Variants in TAFA5 observed in about 807,000 individuals in gnomAD.
The protein encoded by TAFA5 is chemokine-like protein TAFA-5.
In TAFA5, 6 loss-of-function variants were observed where a neutral mutation model predicts 15.3. The ratio of observed to expected loss-of-function variants is 0.39; its 90% confidence interval spans 0.21 to 0.77. The LOEUF (loss-of-function observed/expected upper bound fraction) is 0.77, where lower values mean the gene tolerates loss of function less well. Among genes scored for constraint, TAFA5 ranks in the 30% least tolerant of loss-of-function variants. TAFA5 has a pLI of 0.41. For missense variants in TAFA5, 161 were observed against 193.1 expected (o/e 0.83, Z 0.98); for synonymous variants, 103 against 80.7 (o/e 1.28, Z -1.48).
At position 48,749,138 on chromosome 22, in the gene TAFA5, C is replaced by T. The variant is rs182389046; in HGVS notation, c.391-701C>T. Among the ~76,000 whole-genome samples the T allele has an allele frequency of 1.8e-3, 270 of 152,284 alleles. 1 individual carries two copies. The highest frequency in any genetic ancestry group is 5.5e-3 in the African/African-American group (230 of 41,546). ...GCAGAGATCAGGACGATGCGTCTCC[C>T]GGGCAAGGAGCACTGAGGATTGCTT... On this transcript the variant is annotated intron_variant, in intron 3 of 3. Coordinates refer to ENST00000402357, the MANE Select transcript of TAFA5 (RefSeq NM_001082967.3).
chr22:48,538,569 GC>G (rs1466991672), intron 1 of TAFA5, among the ~76,000 whole-genome samples: 1 of 152,228 alleles, frequency 6.6e-6, no homozygotes, highest in Non-Finnish European at 1.5e-5. Flanking sequence ...AGCTTCTGTG[GC>G]CCACAGCAGG....
chr22:48,544,731 C>G, intron 1 of TAFA5: 1 of 471,312 alleles, frequency 2.1e-6, no homozygotes. Context: ...TCTCAGTCCC[C>G]ACTCCGGGCT....
chr22:48,579,323 C>G (rs1176266598), intron 1 of TAFA5, among the ~76,000 whole-genome samples: 1 of 152,218 alleles, frequency 6.6e-6, no homozygotes, highest in Non-Finnish European at 1.5e-5. Context: ...GCGTGGGGTC[C>G]GGCACTGGGG....
intron 1 of TAFA5, among the ~76,000 whole-genome samples, chr22:48,577,839 G>A (rs1308875269): frequency 2.6e-5 from 4 of 152,184 alleles, no homozygotes; most frequent in African/African-American, 7.2e-5. Context: ...CCGGGCTTGC[G>A]GGGACCCTTC....
At chr22:48,564,218 C>T (rs983592842) in intron 1 of TAFA5, among the ~76,000 whole-genome samples, 9 of 152,218 alleles carry the variant, frequency 5.9e-5, no homozygotes, top group Non-Finnish European at 1.2e-4. Context: ...ACTCAGCGCC[C>T]GCAGCCTGAG....
intron 2 of TAFA5, among the ~76,000 whole-genome samples, chr22:48,704,168 G>A (rs1186154543): frequency 1.3e-5 from 2 of 149,128 alleles, no homozygotes; most frequent in African/African-American, 2.5e-5. Flanking sequence ...TTCAGTGTTG[G>A]TGCTAGAGAA....
intron 1 of TAFA5, among the ~76,000 whole-genome samples, chr22:48,581,195 G>C (rs150292662): frequency 3.3e-5 from 5 of 152,198 alleles, no homozygotes; most frequent in Non-Finnish European, 7.3e-5. Flanking sequence ...GAATATAAAA[G>C]GACTGGAAAT....
intron 1 of TAFA5, among the ~76,000 whole-genome samples, chr22:48,578,002 C>T (rs1035153591): frequency 6.6e-6 from 1 of 152,232 alleles, no homozygotes; most frequent in Non-Finnish European, 1.5e-5. Flanking sequence ...GGGCTGTCCT[C>T]TGCTGGTGTC....
At chr22:48,690,444 C>T (rs1197185643) in intron 2 of TAFA5, among the ~76,000 whole-genome samples, 1 of 152,088 alleles carries the variant, frequency 6.6e-6, no homozygotes, top group Non-Finnish European at 1.5e-5. Flanking sequence ...GTGCAGCCTC[C>T]ACCCTACTGG....
intron 1 of TAFA5, among the ~76,000 whole-genome samples, chr22:48,513,989 T>C (rs933082535): frequency 1.3e-5 from 2 of 151,922 alleles, no homozygotes; most frequent in East Asian, 1.9e-4. Flanking sequence ...TTCCCTTTCC[T>C]GTCACTTCCC....
rs565283364 is a variant in TAFA5, at chr22:48,732,352, G to C, written c.391-17487G>C. ...TGGAACTGCAAGCTCCGCCTCCCGG[G>C]TTCACGCCATTCTCCTGCCTCAGCC... On this transcript the variant is annotated intron_variant, in intron 3 of 3. Coordinates refer to ENST00000402357, the MANE Select transcript of TAFA5 (RefSeq NM_001082967.3). Among the ~76,000 whole-genome samples the C allele has an allele frequency of 4.6e-5, 7 of 152,288 alleles. No individual in the cohort carries two copies. In the South Asian group the frequency reaches 1.4e-3, roughly 32 times the overall value.
At chr22:48,652,806 ACC>A (rs1927101209) in intron 2 of TAFA5, among the ~76,000 whole-genome samples, 1 of 52,770 alleles carries the variant, frequency 1.9e-5, no homozygotes, top group African/African-American at 7.9e-5. Flanking sequence ...CTCAGGAGGC[ACC>A]CTCTCCACTG....
At chr22:48,724,546 T>C (rs573015213) in intron 3 of TAFA5, among the ~76,000 whole-genome samples, 74 of 152,228 alleles carry the variant, frequency 4.9e-4, no homozygotes, top group Middle Eastern at 3.2e-3. Flanking sequence ...CTCTGCCCAG[T>C]GTCCAGTTTT....
chr22:48,699,458 C>A (rs1293801340), intron 2 of TAFA5, among the ~76,000 whole-genome samples: 3 of 152,130 alleles, frequency 2.0e-5, no homozygotes, highest in Non-Finnish European at 2.9e-5. Context: ...TTCTCGGTGA[C>A]AGGGCACTGG....
At chr22:48,584,357 T>C (rs144597196) in intron 1 of TAFA5, among the ~76,000 whole-genome samples, 2,073 of 129,108 alleles carry the variant, frequency 0.016, 57 homozygotes, top group African/African-American at 0.059. Flanking sequence ...ACACACACCG[T>C]GCACCACACA....
Position 48,489,611 on chromosome 22 carries a change from A to T in TAFA5, c.19A>T (p.Thr7Ser). 1 of 1,498,824 alleles carries T rather than the reference A, an allele frequency of 6.7e-7. No individual in the cohort carries two copies. The highest frequency in any genetic ancestry group is 8.9e-7 in the Non-Finnish European group (1 of 1,121,504). The allele number at this position is 1,498,824 out of a possible 1,614,324, so 92.8% of individuals were successfully genotyped here. The change falls in exon 1 of 4, where the codon ACC (threonine) becomes TCC (serine). Residue 7 changes from threonine (T) to serine (S), a missense_variant. Coordinates refer to ENST00000402357, the MANE Select transcript of TAFA5 (RefSeq NM_001082967.3). The surrounding 1 kb of genome is among the most constrained non-coding windows in gnomAD (Gnocchi z 5.5). MAPSPR[T>S]GSRQDATALP... ...GGCTTCAATGGCGCCATCGCCCAGG[A>T]CCGGCAGCCGGCAAGATGCGACCGC...
At chr22:48,505,411 C>T (rs1920984461) in intron 1 of TAFA5, among the ~76,000 whole-genome samples, 1 of 152,192 alleles carries the variant, frequency 6.6e-6, no homozygotes, top group Admixed American at 6.5e-5. Context: ...GCTTCATGGG[C>T]CCCCTTTTAC....
At chr22:48,588,226 G>C (rs1169172856) in intron 1 of TAFA5, among the ~76,000 whole-genome samples, 1 of 152,208 alleles carries the variant, frequency 6.6e-6, no homozygotes, top group African/African-American at 2.4e-5. Context: ...AGAGGGGCCT[G>C]GCCATGACCG....
chr22:48,581,569 C>A (rs566987156), intron 1 of TAFA5, among the ~76,000 whole-genome samples: 1 of 152,216 alleles, frequency 6.6e-6, no homozygotes, highest in Non-Finnish European at 1.5e-5. Context: ...GAGGCCGTGT[C>A]CGTGCTCAGT....
Sources: gnomAD v4.1 joint callset for allele counts (sites outside exome capture counted in the v4.1 genomes callset) on GRCh38, gnomAD v4.1.1 for gene constraint, Gnocchi (gnomAD v3.1) non-coding constraint, MANE v1.5 for transcripts, NCBI Gene and HGNC (gene_info 2026-07-23, HGNC 2026-07-21) for gene names.